Variants in TAF1 observed in about 807,000 individuals in gnomAD.
The protein encoded by TAF1 is TATA-box binding protein associated factor 1, also known as transcription initiation factor TFIID subunit 1.
In TAF1, 2 loss-of-function variants were observed where a neutral mutation model predicts 138.5. That is an observed-to-expected ratio of 0.01 (90% CI 0.01 to 0.05). The LOEUF (loss-of-function observed/expected upper bound fraction) is 0.05. Among genes scored for constraint, TAF1 ranks in the 10% least tolerant of loss-of-function variants. The pLI is 1.00. For missense variants in TAF1, 709 were observed against 1,478.0 expected, an observed-to-expected ratio of 0.48 and a Z score of 8.53; for synonymous variants, 437 against 503.2, an observed-to-expected ratio of 0.87 and a Z score of 1.76.
exon 15 of TAF1, chrX:71,530,079 C>A: frequency 5.8e-6 from 1 of 172,708 alleles, no homozygotes. Flanking sequence ...CACAGGTGGC[C>A]ATATCTTTAC....
chrX:71,441,175 A>G (rs1341241426), intron 32 of TAF1, among the ~76,000 whole-genome samples: 2 of 110,436 alleles, frequency 1.8e-5, no homozygotes, highest in Non-Finnish European at 3.8e-5. Flanking sequence ...CCATGGTGCC[A>G]AGCCCCATCT....
rs184757517 is a variant in TAF1, at chrX:71,501,399, G to A, written c.1367-27143G>A. ...GTTTATACTAGAAATCATTCTTATA[G>A]GAGAAACTAGAAAAGCACCAGAGAC... On this transcript the variant is annotated intron_variant and NMD_transcript_variant, in intron 13 of 14. Transcript: ENST00000373775. 3.2e-3 allele frequency among the ~76,000 whole-genome samples: 358 copies of A among 111,309 alleles called. 1 individual carries two copies. The highest frequency in any genetic ancestry group is 5.1e-3 in the Non-Finnish European group (272 of 53,046).
rs755713693 is a variant in TAF1 at position 71,367,440 on chromosome X, T to C, written c.121-59T>C. The stretch of plus-strand genomic sequence containing the variant: ...TGTCGTGGACCAGGGAAATAAGTCC[T>C]GTGGTGTGGGAGTCGTAGGTTTAGT... On this transcript the variant is annotated intron_variant, in intron 1 of 37. Coordinates refer to ENST00000423759, the MANE Select transcript of TAF1 (RefSeq NM_004606.5). 1,556 of 1,155,620 alleles carry C rather than the reference T, an allele frequency of 1.3e-3. 5 individuals are homozygous for C. The highest frequency in any genetic ancestry group is 1.7e-3 in the Non-Finnish European group (1,472 of 852,420).
chrX:71,384,345 G>A (rs1203939610), intron 13 of TAF1, among the ~76,000 whole-genome samples: 1 of 110,750 alleles, frequency 9.0e-6, no homozygotes, highest in Non-Finnish European at 1.9e-5. Context: ...AGAAAGGAGT[G>A]GTACCTTTTT....
At chrX:71,384,798 A>T in intron 13 of TAF1, 147 bp from the exon 14 acceptor site, 1 of 433,903 alleles carries the variant, frequency 2.3e-6, no homozygotes, top group Non-Finnish European at 3.9e-6. Flanking sequence ...TGGTAAGTAT[A>T]ATGCAACTAT....
At chrX:71,370,976 GTTACAT>G (rs1417625143) in intron 3 of TAF1, among the ~76,000 whole-genome samples, 2 of 111,870 alleles carry the variant, frequency 1.8e-5, no homozygotes, top group African/African-American at 6.5e-5. Context: ...TATATAGAGT[GTTACAT>G]TTAGTTTTGA....
chrX:71,403,015 T>G (rs945653099), intron 25 of TAF1, among the ~76,000 whole-genome samples: 1 of 110,689 alleles, frequency 9.0e-6, no homozygotes, highest in African/African-American at 3.3e-5. Flanking sequence ...CTACCTTTTA[T>G]GTTTTCCTTT....
At chrX:71,474,963 G>A (rs752886930) in intron 13 of TAF1, among the ~76,000 whole-genome samples, 1 of 111,835 alleles carries the variant, frequency 8.9e-6, no homozygotes, top group South Asian at 3.7e-4. Context: ...TTCTGGGAGT[G>A]TAATAGGCAA....
chrX:71,377,564 C>G, intron 5 of TAF1, 39 bp from the exon 6 acceptor site: 1 of 1,187,469 alleles, frequency 8.4e-7, no homozygotes, highest in Non-Finnish European at 1.1e-6. Flanking sequence ...TCCCATCTGA[C>G]TTTGAGTCTG....
chrX:71,424,414 CTTTTTTTTTTT>C (rs140301261), intron 32 of TAF1, among the ~76,000 whole-genome samples, 176 bp downstream of exon 32: 30 of 29,937 alleles, frequency 1.0e-3, no homozygotes, highest in Non-Finnish European at 1.7e-3. Context: ...GTGCCAGGCT[CTTTTTTTTTTT>C]TTTTTTTTTT....
At position 71,385,013 on chromosome X, in the gene TAF1, T is replaced by C; in HGVS notation, c.2190T>C (p.Pro730=). 1 of 1,210,726 alleles carries C rather than the reference T, an allele frequency of 8.3e-7. No homozygotes were observed. The highest frequency in any genetic ancestry group is 3.0e-5 in the East Asian group (1 of 33,838). Residue 730 remains proline, a synonymous_variant, in exon 14 of 38, where the codon CCT becomes CCC. Transcript: ENST00000423759. ...YGETVYCHTS[P]FLGSLHPGQL... ...AAACTGTTTACTGCCATACATCTCC[T>C]TTCCTGGGTTCTCTCCATCCTGGCC...
rs2038202200 is a variant in TAF1, at chrX:71,454,659, A to G, written c.4822-82A>G. Reference sequence around the variant, plus strand: ...ACTAGAATATAAGCTCCATGAAGATAGATATTTTTGTCTTTTGTTTACTTT... The same window carrying G: ...ACTAGAATATAAGCTCCATGAAGATGGATATTTTTGTCTTTTGTTTACTTT... On this transcript the variant is annotated intron_variant, in intron 33 of 37. Transcript: ENST00000423759. 4 of 776,586 alleles carry G rather than the reference A, an allele frequency of 5.2e-6. No individual in the cohort carries two copies. The Admixed American group carries it at 9.7e-5, about 19-fold the overall frequency. 64.0% of individuals were successfully genotyped at this position (776,586 alleles called of 1,213,427 possible).
intron 32 of TAF1, chrX:71,441,639 A>G (rs867376334): frequency 2.0e-5 from 6 of 302,815 alleles, no homozygotes; most frequent in Middle Eastern, 9.5e-4. Flanking sequence ...CTACGGCGCT[A>G]TAGAACACTA....
intron 14 of TAF1, chrX:71,528,726 G>T (rs1206146408): frequency 3.0e-6 from 1 of 329,218 alleles, no homozygotes; most frequent in East Asian, 9.7e-5. Context: ...GACCTTCGCG[G>T]TGAGTGTTAC....
chrX:71,495,955 C>G (rs1178852419), intron 13 of TAF1, among the ~76,000 whole-genome samples: 2 of 112,191 alleles, frequency 1.8e-5, no homozygotes, highest in Non-Finnish European at 3.8e-5. Flanking sequence ...TTTAATTTTT[C>G]TTTGCTATTA....
chrX:71,410,454 CTTTTTTTTTTTT>C (rs57027102), intron 28 of TAF1, among the ~76,000 whole-genome samples: 1 of 70,648 alleles, frequency 1.4e-5, no homozygotes, highest in Non-Finnish European at 2.7e-5. Flanking sequence ...TTTCTTTTTT[CTTTTTTTTTTTT>C]TTTTTTTTTG....
chrX:71,493,154 G>A (rs1569401675), intron 13 of TAF1, among the ~76,000 whole-genome samples: 1 of 110,975 alleles, frequency 9.0e-6, no homozygotes, highest in Admixed American at 9.5e-5. Flanking sequence ...AAATAGCTGG[G>A]ACAATAGGCG....
intron 13 of TAF1, chrX:71,492,355 T>G (rs939814353): frequency 7.7e-6 from 1 of 130,619 alleles, no homozygotes; most frequent in Non-Finnish European, 1.8e-5. Context: ...TGGGCTTTCT[T>G]CTCCTTGGGC....
intron 13 of TAF1, among the ~76,000 whole-genome samples, chrX:71,513,679 C>T (rs759246853): frequency 2.7e-5 from 3 of 111,294 alleles, no homozygotes; most frequent in Non-Finnish European, 3.8e-5. Context: ...GCCAGGAGTT[C>T]GAGACCAGCC....
Sources: gnomAD v4.1 joint callset for allele counts (sites outside exome capture counted in the v4.1 genomes callset) on GRCh38, gnomAD v4.1.1 for gene constraint, MANE v1.5 for transcripts, NCBI Gene and HGNC (gene_info 2026-07-23, HGNC 2026-07-21) for gene names.